Variants in JPH3 observed in about 807,000 individuals in gnomAD.
JPH3 encodes junctophilin-3.
In JPH3, 11 loss-of-function variants were observed where a neutral mutation model predicts 59.6. The ratio of observed to expected loss-of-function variants is 0.18; its 90% confidence interval spans 0.12 to 0.31. The LOEUF is 0.31. Among genes scored for constraint, JPH3 ranks in the 10% least tolerant of loss-of-function variants. The pLI is 1.00. For synonymous variants in JPH3, 673 were observed against 483.6 expected, an observed-to-expected ratio of 1.39 and a Z score of -5.14; for missense variants, 1,202 against 1,105.7, an observed-to-expected ratio of 1.09 and a Z score of -1.24.
At chr16:87,607,162 CA>C (rs2030551933) in intron 1 of JPH3, among the ~76,000 whole-genome samples, 3 of 152,244 alleles carry the variant, frequency 2.0e-5, no homozygotes. Flanking sequence ...CACAGACGGG[CA>C]AACCCATACA....
chr16:87,604,339 T>C (rs1379676146), intron 1 of JPH3: 2 of 1,424,008 alleles, frequency 1.4e-6, no homozygotes, highest in Non-Finnish European at 1.9e-6. Flanking sequence ...GTAAGATGGT[T>C]TCTGTGCAGG....
chr16:87,691,189 C>T (rs952331785), intron 4 of JPH3, among the ~76,000 whole-genome samples: 2 of 152,010 alleles, frequency 1.3e-5, no homozygotes. Context: ...AGGCTAGACT[C>T]GGTGTGCGAG....
At position 87,604,634 on chromosome 16, in the gene JPH3, G is replaced by A. The variant is rs922388873; in HGVS notation, c.382+1106G>A. ...GAATAAAAATCCTGAGCGTACGTGT[G>A]CTCTAGTCCTCCCCGCCCGCTCGCT... On this transcript the variant is annotated intron_variant, in intron 1 of 4. Transcript: ENST00000284262. The A allele has an allele frequency of 1.0e-5, 12 of 1,185,666 alleles. No homozygotes were observed. The African/African-American group carries it at 1.9e-4, about 19-fold the overall frequency. The allele number at this position is 1,185,666 out of a possible 1,614,324, so 73.4% of individuals were successfully genotyped here.
At position 87,603,067 on chromosome 16, in the gene JPH3, C is replaced by A. The variant is rs1487764969; in HGVS notation, c.-80C>A. The A allele has an allele frequency of 6.3e-7, 1 of 1,578,442 alleles. No homozygotes were observed. The highest frequency in any genetic ancestry group is 1.4e-5 in the African/African-American group (1 of 73,986). ...CCGGAAAACGCTCGCGACCCAGGGCCGCCGGCGGCCGCGACTCTGCTGTGT... is the reference window on the plus strand; with the variant it reads ...CCGGAAAACGCTCGCGACCCAGGGCAGCCGGCGGCCGCGACTCTGCTGTGT... On this transcript the variant is annotated 5_prime_UTR_variant, in exon 1 of 5. Transcript: ENST00000284262.
intron 1 of JPH3, among the ~76,000 whole-genome samples, chr16:87,609,153 T>C (rs1397003505): frequency 6.6e-6 from 1 of 152,262 alleles, no homozygotes; most frequent in African/African-American, 2.4e-5. Context: ...TGTCAGTCCT[T>C]CCTGAAGAAG....
chr16:87,655,499 G>C (rs556394738), intron 2 of JPH3, among the ~76,000 whole-genome samples: 1 of 152,062 alleles, frequency 6.6e-6, no homozygotes, highest in Non-Finnish European at 1.5e-5. Flanking sequence ...GACCGCAGCC[G>C]TGCACCACCA....
chr16:87,626,905 G>A (rs2031398980), intron 1 of JPH3, among the ~76,000 whole-genome samples: 1 of 152,196 alleles, frequency 6.6e-6, no homozygotes, highest in African/African-American at 2.4e-5. Flanking sequence ...TTTGGGGAGG[G>A]CAAGGTGGAA....
intron 1 of JPH3, among the ~76,000 whole-genome samples, chr16:87,643,647 A>G (rs2032030698): frequency 6.6e-6 from 1 of 152,132 alleles, no homozygotes; most frequent in Non-Finnish European, 1.5e-5. Flanking sequence ...GGGGCTCCGT[A>G]TTCACTCTGG....
At chr16:87,662,413 G>T (rs926365073) in intron 2 of JPH3, among the ~76,000 whole-genome samples, 1 of 145,614 alleles carries the variant, frequency 6.9e-6, no homozygotes, top group Non-Finnish European at 1.5e-5. Flanking sequence ...GACTTCACTA[G>T]GCTCGCGTCT....
chr16:87,655,980 C>T (rs528891332), intron 2 of JPH3, among the ~76,000 whole-genome samples: 3 of 152,320 alleles, frequency 2.0e-5, no homozygotes, highest in Admixed American at 2.0e-4. Context: ...CTGAGTGGGA[C>T]TGCTGGGAGT....
At chr16:87,638,431 G>T (rs1489054233) in intron 1 of JPH3, among the ~76,000 whole-genome samples, 1 of 152,188 alleles carries the variant, frequency 6.6e-6, no homozygotes, top group Non-Finnish European at 1.5e-5. Context: ...AACGCCAGAG[G>T]CTACTGGGGA....
intron 1 of JPH3, among the ~76,000 whole-genome samples, chr16:87,619,087 CAAAA>C (rs59368116): frequency 7.1e-6 from 1 of 140,550 alleles, no homozygotes; most frequent in Non-Finnish European, 1.5e-5. Flanking sequence ...GACTCTGTCT[CAAAA>C]AAAAAAAAAA....
At chr16:87,651,726 C>G (rs773006053) in intron 2 of JPH3, among the ~76,000 whole-genome samples, 1 of 152,214 alleles carries the variant, frequency 6.6e-6, no homozygotes, top group South Asian at 2.1e-4. Flanking sequence ...AGGGGTGAAA[C>G]GAGAAAATGG....
At chr16:87,693,281 C>T (rs1325741385) in intron 4 of JPH3, among the ~76,000 whole-genome samples, 1 of 152,220 alleles carries the variant, frequency 6.6e-6, no homozygotes, top group Non-Finnish European at 1.5e-5. Flanking sequence ...AGCACCTCAC[C>T]CTCTGAGGAC....
chr16:87,650,549 C>A (rs1008921988), intron 2 of JPH3, among the ~76,000 whole-genome samples: 1 of 152,046 alleles, frequency 6.6e-6, no homozygotes, highest in African/African-American at 2.4e-5. Flanking sequence ...TGTCAAAAGC[C>A]GAGACAGGCC....
intron 1 of JPH3, among the ~76,000 whole-genome samples, chr16:87,633,742 G>C (rs2031640402): frequency 6.6e-6 from 1 of 151,864 alleles, no homozygotes; most frequent in Non-Finnish European, 1.5e-5. Context: ...GAGGTTGCAG[G>C]GAGCCAAGAT....
At chr16:87,636,736 A>G (rs2031762283) in intron 1 of JPH3, among the ~76,000 whole-genome samples, 1 of 152,244 alleles carries the variant, frequency 6.6e-6, no homozygotes, top group South Asian at 2.1e-4. Flanking sequence ...TGCAGTTGCA[A>G]ACACGGGGCA....
chr16:87,612,223 A>G (rs1235587146), intron 1 of JPH3, among the ~76,000 whole-genome samples: 3 of 152,138 alleles, frequency 2.0e-5, no homozygotes, highest in African/African-American at 7.2e-5. Context: ...TCCTGGCCTC[A>G]AGCCATCTTC....
In JPH3 at chr16:87,639,217, C is replaced by T. The variant is rs111783154; in HGVS notation, c.383-5041C>T. On this transcript the variant is annotated intron_variant, in intron 1 of 4. Transcript: ENST00000284262. ...GTGATCTGCACAGCCGCCCTCCCCT[C>T]GTTGCAGATGAGGAGACTGAGTCAG... is the stretch of plus-strand genomic sequence containing the variant. 4.3e-3 allele frequency among the ~76,000 whole-genome samples: 662 copies of T among 152,268 alleles called. 5 individuals are homozygous for T. The highest frequency in any genetic ancestry group is 0.015 in the African/African-American group (635 of 41,526).
Sources: gnomAD v4.1 joint callset for allele counts (sites outside exome capture counted in the v4.1 genomes callset) on GRCh38, gnomAD v4.1.1 for gene constraint, MANE v1.5 for transcripts, NCBI Gene and HGNC (gene_info 2026-07-23, HGNC 2026-07-21) for gene names.